Variants in NRG3 observed in about 807,000 individuals in gnomAD.
NRG3 encodes the protein pro-neuregulin-3, membrane-bound isoform.
Under a neutral mutation model 66.9 loss-of-function variants are expected in NRG3, and 31 were observed. The observed-to-expected ratio is 0.46, with a 90% CI of 0.35 to 0.63. The LOEUF is 0.63. NRG3 is among the 20% of genes least tolerant of loss of function. NRG3 has a pLI of 0.00. For missense variants in NRG3, 910 were observed against 878.9 expected (o/e 1.04, Z -0.45); for synonymous variants, 393 against 359.4 (o/e 1.09, Z -1.06).
At chr10:82,502,551 A>G (rs1324104380) in intron 2 of NRG3, among the ~76,000 whole-genome samples, 1 of 152,204 alleles carries the variant, frequency 6.6e-6, no homozygotes, top group Non-Finnish European at 1.5e-5. Flanking sequence ...GAAAACTTCT[A>G]AGAAAAGGTG....
At chr10:82,714,132 T>G (rs1243785355) in intron 2 of NRG3, among the ~76,000 whole-genome samples, 1 of 152,224 alleles carries the variant, frequency 6.6e-6, no homozygotes, top group African/African-American at 2.4e-5. Context: ...TGATATGTAT[T>G]ACTATGTACA....
In NRG3 at chr10:81,875,538, G is replaced by T. The variant is rs1841540119; in HGVS notation, c.198G>T (p.Trp66Cys). ...DCIVWNRQQT[W>C]LCVVPLFIGF... is the part of the protein sequence containing the mutation. ...TCGTGTGGAACCGGCAGCAGACGTGGCTGTGCGTGGTACCTCTGTTCATCG... is the reference window on the plus strand; with the variant it reads ...TCGTGTGGAACCGGCAGCAGACGTGTCTGTGCGTGGTACCTCTGTTCATCG... Residue 66 changes from tryptophan (W) to cysteine (C), a missense_variant, in exon 1 of 9, where the codon TGG becomes TGT. Coordinates refer to ENST00000372141, the MANE Select transcript of NRG3 (RefSeq NM_001010848.4). The surrounding 1 kb of genome is among the most constrained non-coding windows in gnomAD (Gnocchi z 5.3). 3.1e-6 allele frequency: 5 copies of T among 1,612,566 alleles called. No homozygotes were observed. Among genetic ancestry groups the T allele is most frequent in the Non-Finnish European group, 4.2e-6 (5 of 1,179,774 alleles).
At chr10:81,939,939 G>A (rs993767041) in intron 1 of NRG3, among the ~76,000 whole-genome samples, 21 of 151,740 alleles carry the variant, frequency 1.4e-4, no homozygotes, top group African/African-American at 5.1e-4. Context: ...TAATGCCTTT[G>A]CTATATCCCA....
rs149969955 is a variant in NRG3 at position 82,854,685 on chromosome 10, A to G, written c.1028-10726A>G. The stretch of plus-strand genomic sequence containing the variant: ...CCTGACTTGAAGAGTAGTTAACAAA[A>G]TCATTTTTTAAAAATGTGAGTTCAT... On this transcript the variant is annotated intron_variant, in intron 3 of 8. Coordinates refer to ENST00000372141, the MANE Select transcript of NRG3 (RefSeq NM_001010848.4). Among the ~76,000 whole-genome samples the G allele has an allele frequency of 6.9e-4, 105 of 152,304 alleles. No individual in the cohort carries two copies. The South Asian group carries it at 0.011, about 16-fold the overall frequency.
intron 2 of NRG3, among the ~76,000 whole-genome samples, chr10:82,735,888 A>G (rs978183085): frequency 6.6e-6 from 1 of 151,898 alleles, no homozygotes; most frequent in Non-Finnish European, 1.5e-5. Context: ...AAACCTGCAC[A>G]TTTTGCACAT....
intron 2 of NRG3, among the ~76,000 whole-genome samples, chr10:82,598,088 T>G (rs948351727): frequency 6.6e-6 from 1 of 152,210 alleles, no homozygotes; most frequent in South Asian, 2.1e-4. Flanking sequence ...TCATTGTGAT[T>G]AGAAATTATT....
intron 1 of NRG3, among the ~76,000 whole-genome samples, chr10:82,292,332 C>A (rs2079795999): frequency 6.6e-6 from 1 of 151,978 alleles, no homozygotes; most frequent in Admixed American, 6.6e-5. Flanking sequence ...AGTGACAACA[C>A]CAAATTCTGA....
chr10:82,334,027 G>A (rs1007315023), intron 1 of NRG3, among the ~76,000 whole-genome samples: 9 of 151,790 alleles, frequency 5.9e-5, no homozygotes, highest in African/African-American at 2.2e-4. Flanking sequence ...ATAATTAGCT[G>A]GGCCTGGTGG....
At position 82,403,756 on chromosome 10, in the gene NRG3, G is replaced by A. The variant is rs147096240; in HGVS notation, c.953+44888G>A. Among the ~76,000 whole-genome samples, 813 of 152,192 alleles carry A rather than the reference G, an allele frequency of 5.3e-3. 7 individuals are homozygous for A. Among genetic ancestry groups the A allele is most frequent in the African/African-American group, 0.019 (791 of 41,526 alleles). On this transcript the variant is annotated intron_variant, in intron 2 of 8. Transcript: ENST00000372141. Reference sequence around the variant, plus strand: ...GCTTATTTAGAAATAGAGGGACAATGGCAGAGAGGGGTATGAACTCTCCTT... The same window carrying A: ...GCTTATTTAGAAATAGAGGGACAATAGCAGAGAGGGGTATGAACTCTCCTT...
chr10:82,975,429 G>A (rs370974223), intron 7 of NRG3, among the ~76,000 whole-genome samples: 22 of 152,024 alleles, frequency 1.4e-4, no homozygotes, highest in African/African-American at 5.1e-4. Context: ...CCCAGTTCTC[G>A]TGTGCTTTTA....
intron 2 of NRG3, among the ~76,000 whole-genome samples, chr10:82,623,352 T>C (rs1481123): frequency 0.079 from 12,089 of 152,212 alleles, 611 homozygotes; most frequent in East Asian, 0.15. Flanking sequence ...TACTATTGCC[T>C]TTAAGGGTCT....
At chr10:82,456,437 G>T (rs952508940) in intron 2 of NRG3, among the ~76,000 whole-genome samples, 4 of 152,022 alleles carry the variant, frequency 2.6e-5, no homozygotes, top group Admixed American at 2.6e-4. Flanking sequence ...AAATTGCTGG[G>T]ATTACAGGTG....
chr10:81,898,772 T>C (rs1450800850), intron 1 of NRG3, among the ~76,000 whole-genome samples: 1 of 152,096 alleles, frequency 6.6e-6, no homozygotes, highest in Non-Finnish European at 1.5e-5. Context: ...TTTTCTACTG[T>C]GTAGGCATTG....
At chr10:82,084,890 A>C (rs2065629077) in intron 1 of NRG3, among the ~76,000 whole-genome samples, 1 of 152,076 alleles carries the variant, frequency 6.6e-6, no homozygotes. Flanking sequence ...CTACACAATC[A>C]ATGATGTTAC....
chr10:82,023,443 TA>T (rs2062154421), intron 1 of NRG3, among the ~76,000 whole-genome samples: 1 of 152,074 alleles, frequency 6.6e-6, no homozygotes, highest in South Asian at 2.1e-4. Context: ...CCAGATCTTA[TA>T]GGAAAGGCTT....
intron 2 of NRG3, among the ~76,000 whole-genome samples, chr10:82,680,018 A>C (rs1429133968): frequency 1.3e-5 from 2 of 152,210 alleles, no homozygotes. Context: ...GGTTTGTACA[A>C]ATAGAAAAAG....
At chr10:82,016,713 G>T (rs1318416425) in intron 1 of NRG3, among the ~76,000 whole-genome samples, 1 of 152,126 alleles carries the variant, frequency 6.6e-6, no homozygotes, top group Non-Finnish European at 1.5e-5. Flanking sequence ...ACTAGGCAAA[G>T]ACATGGAAGA....
intron 2 of NRG3, among the ~76,000 whole-genome samples, chr10:82,471,136 G>A (rs1841214298): frequency 6.6e-6 from 1 of 152,116 alleles, no homozygotes; most frequent in Non-Finnish European, 1.5e-5. Context: ...CACTTCGAAG[G>A]GTGAGAAGGG....
intron 2 of NRG3, among the ~76,000 whole-genome samples, chr10:82,420,006 G>T (rs1425531827): frequency 6.6e-6 from 1 of 152,120 alleles, no homozygotes; most frequent in Non-Finnish European, 1.5e-5. Flanking sequence ...AGTCATCAAG[G>T]ACTCAGTCTC....
Sources: gnomAD v4.1 joint callset for allele counts (sites outside exome capture counted in the v4.1 genomes callset) on GRCh38, gnomAD v4.1.1 for gene constraint, Gnocchi (gnomAD v3.1) non-coding constraint, MANE v1.5 for transcripts, NCBI Gene and HGNC (gene_info 2026-07-23, HGNC 2026-07-21) for gene names.